Variants in MLPH observed in about 807,000 individuals in gnomAD.
MLPH encodes exophilin-3.
In MLPH, 51 loss-of-function variants were observed where a neutral mutation model predicts 72.1. The observed-to-expected ratio is 0.71, with a 90% confidence interval of 0.56 to 0.89. The LOEUF is 0.89. Ranked by LOEUF, MLPH falls within the 40% of genes least tolerant of loss-of-function variation. The pLI, the probability that MLPH is intolerant of heterozygous loss-of-function variation, is 0.00. For synonymous variants in MLPH, 301 were observed against 310.1 expected (o/e 0.97, Z 0.31); for missense variants, 743 against 759.9 (o/e 0.98, Z 0.26).
rs561340470 is a variant in MLPH, at chr2:237,515,794, G to T, written c.446-2745G>T. Among the ~76,000 whole-genome samples the T allele has an allele frequency of 1.2e-4, 18 of 152,294 alleles. No individual in the cohort carries two copies. In the East Asian group the frequency reaches 3.3e-3, roughly 28 times the overall value. On this transcript the variant is annotated intron_variant, in intron 4 of 15. Transcript: ENST00000264605. ...GCCCACTGGTGCCCATGTCTCAGGG[G>T]CCGTGATGAAGCTGGACCAGCTGTC...
At chr2:237,537,916 G>A (rs1048190498) in intron 9 of MLPH, among the ~76,000 whole-genome samples, 9 of 152,150 alleles carry the variant, frequency 5.9e-5, no homozygotes, top group Admixed American at 6.5e-5. Context: ...CGCGGCCCTC[G>A]CCTCACACTT....
In MLPH at chr2:237,510,101, G is replaced by A. The variant is rs1216041718; in HGVS notation, c.111-473G>A. On this transcript the variant is annotated intron_variant, in intron 2 of 15. Transcript: ENST00000264605. This position sits in a 1 kb window ranked among gnomAD's most constrained non-coding sequence, Gnocchi z 4.4. The stretch of plus-strand genomic sequence containing the variant: ...CCGGGTGCTAGATGATTCCTGCTCT[G>A]GAAACTCACCGAGCCATTTCAGCTG... 1 of 239,018 alleles carries A rather than the reference G, an allele frequency of 4.2e-6. No homozygotes were observed. Among genetic ancestry groups the A allele is most frequent in the African/African-American group, 2.3e-5 (1 of 44,124 alleles). 14.8% of individuals were successfully genotyped at this position (239,018 alleles called of 1,614,324 possible).
intron 5 of MLPH, 135 bp downstream of exon 5, chr2:237,518,783 A>C (rs1408244110): frequency 4.1e-6 from 3 of 731,074 alleles, no homozygotes; most frequent in Non-Finnish European, 7.4e-6. Flanking sequence ...AGCACCAAGA[A>C]TCTGCTGCCC....
chr2:237,528,693 C>A (rs1388419095), intron 8 of MLPH, among the ~76,000 whole-genome samples: 1 of 117,610 alleles, frequency 8.5e-6, no homozygotes, highest in Admixed American at 1.0e-4. Context: ...ACCACCACCT[C>A]TCTCTAATTC....
intron 9 of MLPH, 43 bp from the exon 10 acceptor site, chr2:237,540,305 C>A (rs1371477611): frequency 2.5e-6 from 4 of 1,608,550 alleles, no homozygotes; most frequent in African/African-American, 1.3e-5. Context: ...TCCATGGCTC[C>A]AGATGGCTAG....
chr2:237,531,679 C>T, intron 8 of MLPH, among the ~76,000 whole-genome samples: 1 of 152,044 alleles, frequency 6.6e-6, no homozygotes, highest in South Asian at 2.1e-4. Flanking sequence ...TTTGCCAACC[C>T]TAAATAATGA....
At chr2:237,549,095 C>T in intron 13 of MLPH, 126 bp from the exon 14 acceptor site, 1 of 799,648 alleles carries the variant, frequency 1.3e-6, no homozygotes. Flanking sequence ...TCAAATATTG[C>T]TAGAGAGCAG....
chr2:237,491,014 G>A (rs1574826309), intron 1 of MLPH, among the ~76,000 whole-genome samples: 1 of 152,234 alleles, frequency 6.6e-6, no homozygotes, highest in African/African-American at 2.4e-5. Context: ...TATTTTGGCT[G>A]ACTTCCATGA....
Position 237,517,354 on chromosome 2 carries a change from G to GATAGGTAGGTGGATGGGCGGATAT in MLPH, c.446-1171_446-1170insGGGCGGATATATAGGTAGGTGGAT, listed in dbSNP as rs1461872021. 4.9e-4 allele frequency among the ~76,000 whole-genome samples: 74 copies of GATAGGTAGGTGGATGGGCGGATAT among 151,998 alleles called. 1 individual carries two copies. Among genetic ancestry groups the GATAGGTAGGTGGATGGGCGGATAT allele is most frequent in the South Asian group, 1.7e-3 (8 of 4,808 alleles). On this transcript the variant is annotated intron_variant, in intron 4 of 15. Transcript: ENST00000264605. The stretch of plus-strand genomic sequence containing the variant: ...GGATAAGTAGGTGGATGGGCGGATA[G>GATAGGTAGGTGGATGGGCGGATAT]ATAGGTAGGTGGATAGGTGGATGGA...
At chr2:237,502,257 A>G (rs964152347) in intron 2 of MLPH, among the ~76,000 whole-genome samples, 5 of 152,214 alleles carry the variant, frequency 3.3e-5, no homozygotes, top group African/African-American at 1.2e-4. Context: ...ATGTTCTACA[A>G]ATACAAAGTA....
intron 7 of MLPH, among the ~76,000 whole-genome samples, chr2:237,527,159 C>T (rs1433255664): frequency 6.6e-6 from 1 of 152,212 alleles, no homozygotes; most frequent in Non-Finnish European, 1.5e-5. Context: ...AACCCCCACC[C>T]ACAATGCCAG....
chr2:237,523,748 T>C (rs374576117), intron 6 of MLPH, among the ~76,000 whole-genome samples: 22 of 152,310 alleles, frequency 1.4e-4, no homozygotes, highest in South Asian at 8.3e-4. Flanking sequence ...GTAATTAGTA[T>C]ATTAAGTCCT....
chr2:237,490,336 A>G (rs1020120890), intron 1 of MLPH, among the ~76,000 whole-genome samples: 6 of 152,242 alleles, frequency 3.9e-5, no homozygotes, highest in South Asian at 2.1e-4. Context: ...CTAAAAAAAA[A>G]AAAGAAAGAA....
rs188841860 is a variant in MLPH, at chr2:237,553,861, G to A, written c.*269G>A. The A allele has an allele frequency of 1.6e-6, 1 of 643,968 alleles. No individual in the cohort carries two copies. The highest frequency in any genetic ancestry group is 2.9e-5 in the East Asian group (1 of 34,492). The allele number at this position is 643,968 out of a possible 1,614,324, so 39.9% of individuals were successfully genotyped here. A position where few individuals can be genotyped will look rare whatever the true frequency, so the allele number is the denominator to read the frequency against. ...GCTAAGCTGCTGTGACTTCCCTTTAGGACAATGTTGTGTAAATCTTTGAAG... is the reference window on the plus strand; with the variant it reads ...GCTAAGCTGCTGTGACTTCCCTTTAAGACAATGTTGTGTAAATCTTTGAAG... On this transcript the variant is annotated 3_prime_UTR_variant, in exon 16 of 16. Coordinates refer to ENST00000264605, the MANE Select transcript of MLPH (RefSeq NM_024101.7).
intron 8 of MLPH, 69 bp from the exon 9 acceptor site, chr2:237,534,495 G>A (rs2080490322): frequency 1.6e-6 from 2 of 1,272,448 alleles, no homozygotes; most frequent in Admixed American, 1.7e-5. Context: ...CAGAGGTGGT[G>A]GGTGCCAGTG....
intron 9 of MLPH, among the ~76,000 whole-genome samples, chr2:237,535,527 G>T (rs1341850306): frequency 6.6e-6 from 1 of 152,068 alleles, no homozygotes; most frequent in Non-Finnish European, 1.5e-5. Context: ...TGAGAGACAG[G>T]CAGACAGACA....
At chr2:237,496,241 G>A (rs916158578) in intron 2 of MLPH, among the ~76,000 whole-genome samples, 1 of 152,202 alleles carries the variant, frequency 6.6e-6, no homozygotes, top group Non-Finnish European at 1.5e-5. Flanking sequence ...CAGAGAAATG[G>A]AAAAGGGGGG....
At chr2:237,538,238 G>T (rs1008953537) in intron 9 of MLPH, among the ~76,000 whole-genome samples, 1 of 152,234 alleles carries the variant, frequency 6.6e-6, no homozygotes, top group African/African-American at 2.4e-5. Flanking sequence ...CAGGAGGGCG[G>T]GGCCTGCGTC....
At position 237,512,911 on chromosome 2, in the gene MLPH, C is replaced by T. The variant is rs2079936275; in HGVS notation, c.445+1810C>T. Among the ~76,000 whole-genome samples, 2 of 151,650 alleles carry T rather than the reference C, an allele frequency of 1.3e-5. No individual in the cohort carries two copies. Among genetic ancestry groups the T allele is most frequent in the African/African-American group, 4.9e-5 (2 of 41,170 alleles). On this transcript the variant is annotated intron_variant, in intron 4 of 15. Coordinates refer to ENST00000264605, the MANE Select transcript of MLPH (RefSeq NM_024101.7). This position sits in a 1 kb window ranked among gnomAD's most constrained non-coding sequence, Gnocchi z 5.5. ...CAGAACCTGCTGACTTCAAAATCAT[C>T]ACCACCAAGGGGCCAGGAGGTGGCG...
Sources: allele counts gnomAD v4.1 joint callset (sites outside exome capture counted in the v4.1 genomes callset), GRCh38; gene constraint gnomAD v4.1.1; non-coding constraint Gnocchi (gnomAD v3.1); transcripts MANE v1.5; gene names NCBI Gene and HGNC (gene_info 2026-07-23, HGNC 2026-07-21).